TRARG1: variants seen among roughly 807,000 people sequenced by gnomAD.
TRARG1 encodes trafficking regulator of GLUT4 (SLC2A4) 1 (gene/pseudogene).
A neutral mutation model predicts 13.3 loss-of-function variants in TRARG1; 16 were observed. That is an observed-to-expected ratio of 1.20 (90% CI 0.81 to 1.83). The LOEUF (loss-of-function observed/expected upper bound fraction) is 1.83, where lower values mean the gene tolerates loss of function less well. Among genes scored for constraint, TRARG1 ranks in the 40% most tolerant of loss-of-function variants. The probability of loss-of-function intolerance (pLI) is 0.00; values close to 1 mark genes in which losing one functional copy is unlikely to be tolerated. For missense variants in TRARG1, 250 were observed against 237.4 expected (o/e 1.05, Z -0.35); for synonymous variants, 113 against 106.2 (o/e 1.06, Z -0.39).
intron 1 of TRARG1, among the ~76,000 whole-genome samples, 176 bp from the exon 2 acceptor site, chr17:1,295,315 C>T (rs978273486): frequency 1.3e-5 from 2 of 152,212 alleles, no homozygotes; most frequent in Non-Finnish European, 1.5e-5. Context: ...CACAAGAGGC[C>T]CTGGCCACTT....
intron 1 of TRARG1, among the ~76,000 whole-genome samples, chr17:1,282,224 G>GCGTATATGTACGTATATA (rs1567928191): frequency 2.6e-5 from 3 of 115,612 alleles, no homozygotes; most frequent in African/African-American, 1.1e-4. Context: ...GTATACACGT[G>GCGTATATGTACGTATATA]CGTATATGTA....
chr17:1,298,875 A>G lies in TRARG1; in HGVS notation c.*611A>G, dbSNP rs1022670797. On this transcript the variant is annotated 3_prime_UTR_variant, in exon 3 of 3. Coordinates refer to ENST00000333813, the MANE Select transcript of TRARG1 (RefSeq NM_172367.3). ...GGGTGCAGCTCCCGGGAAGGAGGCA[A>G]CTGCCTCACTTAACATCCTCCGCTG... 1 of 152,308 alleles carries G rather than the reference A, an allele frequency of 6.6e-6. No individual in the cohort carries two copies. The highest frequency in any genetic ancestry group is 1.5e-5 in the Non-Finnish European group (1 of 68,104). 9.4% of individuals were successfully genotyped at this position (152,308 alleles called of 1,614,324 possible). A position where few individuals can be genotyped will look rare whatever the true frequency, so the allele number is the denominator to read the frequency against.
rs1176083148 is a variant in TRARG1, at chr17:1,299,303, G to T, written c.*1039G>T. 1 of 152,336 alleles carries T rather than the reference G, an allele frequency of 6.6e-6. No homozygotes were observed. The highest frequency in any genetic ancestry group is 1.5e-5 in the Non-Finnish European group (1 of 68,154). The allele number at this position is 152,336 out of a possible 1,614,324, so 9.4% of individuals were successfully genotyped here. A position where few individuals can be genotyped will look rare whatever the true frequency, so the allele number is the denominator to read the frequency against. Reference sequence around the variant, plus strand: ...GAGGCTTTGGGACCACCCCTGGGGGGACTTCCCAAAGGGTCCCAGGCTGTC... The same window carrying T: ...GAGGCTTTGGGACCACCCCTGGGGGTACTTCCCAAAGGGTCCCAGGCTGTC... On this transcript the variant is annotated 3_prime_UTR_variant, in exon 3 of 3. Transcript: ENST00000333813.
At chr17:1,288,495 T>TC in intron 1 of TRARG1, among the ~76,000 whole-genome samples, 1 of 17,064 alleles carries the variant, frequency 5.9e-5, no homozygotes, top group African/African-American at 2.9e-4. Context: ...CCCATGGGTT[T>TC]CCCATCCCCC....
At position 1,292,868 on chromosome 17, in the gene TRARG1, C is replaced by G. The variant is rs376074190; in HGVS notation, c.388-2623C>G. Among the ~76,000 whole-genome samples the G allele has an allele frequency of 9.9e-5, 15 of 152,264 alleles. No homozygotes were observed. The East Asian group carries it at 2.5e-3, about 25-fold the overall frequency. On this transcript the variant is annotated intron_variant, in intron 1 of 2. Coordinates refer to ENST00000333813, the MANE Select transcript of TRARG1 (RefSeq NM_172367.3). ...CCAGAAGTTCTGTGGGCACAGGAGC[C>G]GGGATGCTCCTCCGCGCTGCTGCGT...
intron 1 of TRARG1, among the ~76,000 whole-genome samples, chr17:1,291,671 C>A (rs908848085): frequency 6.6e-6 from 1 of 152,266 alleles, no homozygotes; most frequent in Non-Finnish European, 1.5e-5. Flanking sequence ...TGGCATCATA[C>A]CTAGCACGAG....
At chr17:1,291,036 G>C (rs576333369) in intron 1 of TRARG1, among the ~76,000 whole-genome samples, 1 of 152,022 alleles carries the variant, frequency 6.6e-6, no homozygotes, top group African/African-American at 2.4e-5. Context: ...CTCCCAAGTA[G>C]CTGGAATTAC....
intron 1 of TRARG1, 137 bp from the exon 2 acceptor site, chr17:1,295,354 T>TA: frequency 1.7e-6 from 2 of 1,151,218 alleles, no homozygotes; most frequent in Non-Finnish European, 2.4e-6. Context: ...TCCTCTCCCC[T>TA]AGAGTGTGGG....
At chr17:1,283,450 G>A (rs754309933) in intron 1 of TRARG1, among the ~76,000 whole-genome samples, 32 of 152,162 alleles carry the variant, frequency 2.1e-4, no homozygotes, top group Non-Finnish European at 4.3e-4. Flanking sequence ...CATCTAAAGT[G>A]TATTCACAGA....
At chr17:1,284,703 T>C (rs746993623) in intron 1 of TRARG1, among the ~76,000 whole-genome samples, 22 of 146,658 alleles carry the variant, frequency 1.5e-4, no homozygotes, top group Admixed American at 5.6e-4. Context: ...ATTTTTGAGA[T>C]GGAGTCTTGC....
chr17:1,299,113 GGT>G lies in TRARG1; in HGVS notation c.*850_*851del, dbSNP rs2072135452. 6.6e-6 allele frequency: 1 copy of G among 152,414 alleles called. No individual in the cohort carries two copies. The highest frequency in any genetic ancestry group is 1.9e-4 in the East Asian group (1 of 5,196). 9.4% of individuals were successfully genotyped at this position (152,414 alleles called of 1,614,324 possible). A position where few individuals can be genotyped will look rare whatever the true frequency, so the allele number is the denominator to read the frequency against. On this transcript the variant is annotated 3_prime_UTR_variant, in exon 3 of 3. Coordinates refer to ENST00000333813, the MANE Select transcript of TRARG1 (RefSeq NM_172367.3). ...AAGGTCAGCCAGCGGGGAGGGCCGA[GGT>G]CTGAGCTCTCGTCCTGCCGTGGCCC...
At chr17:1,285,085 G>C (rs914217432) in intron 1 of TRARG1, among the ~76,000 whole-genome samples, 2 of 152,108 alleles carry the variant, frequency 1.3e-5, no homozygotes, top group African/African-American at 4.8e-5. Context: ...CAAGGGGTGT[G>C]ATGGGAGAGG....
intron 2 of TRARG1, among the ~76,000 whole-genome samples, chr17:1,298,017 C>T (rs2072124767): frequency 6.6e-6 from 1 of 152,140 alleles, no homozygotes; most frequent in Non-Finnish European, 1.5e-5. Flanking sequence ...GGTTGCATGC[C>T]CACCTCTGAC....
rs2071959801 is a variant in TRARG1, at chr17:1,280,019, G to T, written c.18G>T (p.Gln6His). 9 of 1,612,626 alleles carry T rather than the reference G, an allele frequency of 5.6e-6. No homozygotes were observed. Among genetic ancestry groups the T allele is most frequent in the Non-Finnish European group, 7.6e-6 (9 of 1,179,634 alleles). The change falls in exon 1 of 3, where the codon CAG becomes CAT. Residue 6 changes from glutamine to histidine, a missense_variant. Gln to His is a conservative substitution (Grantham distance 24). Coordinates refer to ENST00000333813, the MANE Select transcript of TRARG1 (RefSeq NM_172367.3). MAHPV[Q>H]SEFPSAQEPG... ...AGGCCCCCATGGCCCACCCGGTGCA[G>T]TCCGAGTTTCCTTCAGCACAGGAGC... is the stretch of plus-strand genomic sequence containing the variant.
chr17:1,281,916 C>T (rs1179736428), intron 1 of TRARG1, among the ~76,000 whole-genome samples: 3 of 151,632 alleles, frequency 2.0e-5, no homozygotes, highest in Non-Finnish European at 3.0e-5. Flanking sequence ...CAGTGAGTTT[C>T]TATATATACA....
intron 1 of TRARG1, among the ~76,000 whole-genome samples, chr17:1,291,092 G>A (rs1402511997): frequency 2.0e-5 from 3 of 152,048 alleles, no homozygotes; most frequent in Admixed American, 6.6e-5. Context: ...ATTTAGTAGA[G>A]ACGGGGTTTC....
chr17:1,280,446 T>C (rs2071965355), intron 1 of TRARG1, 58 bp downstream of exon 1: 1 of 1,493,914 alleles, frequency 6.7e-7, no homozygotes, highest in Non-Finnish European at 8.9e-7. Context: ...GGCAGGTGTT[T>C]CCCCCAGGCA....
Position 1,300,653 on chromosome 17 carries a change from C to T in TRARG1, c.*2389C>T, listed in dbSNP as rs922573218. The T allele has an allele frequency of 2.6e-5, 4 of 152,668 alleles. No individual in the cohort carries two copies. Among genetic ancestry groups the T allele is most frequent in the South Asian group, 4.1e-4 (2 of 4,846 alleles). The allele number at this position is 152,668 out of a possible 1,614,324, so 9.5% of individuals were successfully genotyped here. A position where few individuals can be genotyped will look rare whatever the true frequency, so the allele number is the denominator to read the frequency against. On this transcript the variant is annotated 3_prime_UTR_variant, in exon 3 of 3. Coordinates refer to ENST00000333813, the MANE Select transcript of TRARG1 (RefSeq NM_172367.3). ...AGGCCCCCGAGGTGTGTGTAGGAGGCGGAGGCCCGCAGAGCACAGAGCAGG... is the reference window on the plus strand; with the variant it reads ...AGGCCCCCGAGGTGTGTGTAGGAGGTGGAGGCCCGCAGAGCACAGAGCAGG...
In TRARG1 at chr17:1,298,368, G is replaced by A; in HGVS notation, c.*104G>A. Reference sequence around the variant, plus strand: ...GGGTGCTGACTGTCAAGCATCCCCTGTCCCCAAGTTCCAAAAGCACAGACT... The same window carrying A: ...GGGTGCTGACTGTCAAGCATCCCCTATCCCCAAGTTCCAAAAGCACAGACT... On this transcript the variant is annotated 3_prime_UTR_variant, in exon 3 of 3. Transcript: ENST00000333813. 7.7e-7 allele frequency: 1 copy of A among 1,307,042 alleles called. No individual in the cohort carries two copies. The highest frequency in any genetic ancestry group is 1.1e-6 in the Non-Finnish European group (1 of 936,992). 81.0% of individuals were successfully genotyped at this position (1,307,042 alleles called of 1,614,324 possible).
Sources: gnomAD v4.1 joint callset for allele counts (sites outside exome capture counted in the v4.1 genomes callset) on GRCh38, gnomAD v4.1.1 for gene constraint, MANE v1.5 for transcripts, NCBI Gene and HGNC (gene_info 2026-07-23, HGNC 2026-07-21) for gene names.